The following ESR1 variants were observed in gnomAD, a reference collection of about 807,000 sequenced individuals.
The protein encoded by ESR1 is estrogen receptor.
In ESR1, 12 loss-of-function variants were observed where a neutral mutation model predicts 52.7. The observed-to-expected ratio is 0.23, with a 90% CI of 0.15 to 0.37. The LOEUF (loss-of-function observed/expected upper bound fraction) is 0.37, where lower values mean the gene tolerates loss of function less well. Ranked by LOEUF, ESR1 falls within the 10% of genes least tolerant of loss-of-function variation. The pLI, the probability that ESR1 is intolerant of heterozygous loss-of-function variation, is 1.00. For synonymous variants in ESR1, 305 were observed against 316.8 expected (o/e 0.96, Z 0.39); for missense variants, 584 against 779.7 (o/e 0.75, Z 2.99).
intron 1 of ESR1, among the ~76,000 whole-genome samples, chr6:151,698,326 A>G (rs796598031): frequency 1.1e-3 from 168 of 151,482 alleles, no homozygotes; most frequent in African/African-American, 4.0e-3. Context: ...ACATAGCGCC[A>G]CTGCACACTG....
At chr6:152,062,894 T>C (rs575071013) in intron 6 of ESR1, among the ~76,000 whole-genome samples, 11 of 152,358 alleles carry the variant, frequency 7.2e-5, no homozygotes, top group Non-Finnish European at 1.3e-4. Context: ...CAGATCCATA[T>C]AGACTTTTCC....
chr6:151,829,984 A>G (rs1287994762), intron 1 of ESR1, among the ~76,000 whole-genome samples: 4 of 152,152 alleles, frequency 2.6e-5, no homozygotes, highest in Non-Finnish European at 4.4e-5. Context: ...AAAAATTTCC[A>G]TTTGCAATTC....
intron 2 of ESR1, among the ~76,000 whole-genome samples, chr6:151,874,830 A>G (rs141655301): frequency 1.3e-5 from 2 of 152,272 alleles, no homozygotes; most frequent in African/African-American, 4.8e-5. Context: ...ATGGTGGTGA[A>G]TGGGGAGATG....
intron 6 of ESR1, among the ~76,000 whole-genome samples, chr6:152,062,809 A>C (rs1429646261): frequency 6.6e-6 from 1 of 152,212 alleles, no homozygotes; most frequent in East Asian, 1.9e-4. Context: ...TACCCCAGAC[A>C]GGAAGTAAAA....
chr6:151,882,599 G>A (rs764085637), intron 3 of ESR1, among the ~76,000 whole-genome samples: 7 of 152,134 alleles, frequency 4.6e-5, no homozygotes, highest in Non-Finnish European at 1.0e-4. Context: ...CAGTGGAGTC[G>A]AGGTTTAATA....
intron 1 of ESR1, among the ~76,000 whole-genome samples, chr6:151,818,798 T>C (rs1780074436): frequency 7.0e-6 from 1 of 143,814 alleles, no homozygotes; most frequent in Non-Finnish European, 1.5e-5. Flanking sequence ...AGTGTGTATA[T>C]ACACATATAT....
At chr6:151,716,893 C>T (rs1223832761) in intron 2 of ESR1, among the ~76,000 whole-genome samples, 1 of 152,142 alleles carries the variant, frequency 6.6e-6, no homozygotes, top group African/African-American at 2.4e-5. Context: ...AACAAAAACT[C>T]CTGTAGCTAG....
chr6:151,915,459 A>G (rs1360572224), intron 3 of ESR1, among the ~76,000 whole-genome samples: 1 of 152,316 alleles, frequency 6.6e-6, no homozygotes, highest in Non-Finnish European at 1.5e-5. Context: ...GATTCTTACC[A>G]TAACTTCTGA....
In ESR1 at chr6:152,094,562, A is replaced by T. The variant is rs2152496741; in HGVS notation, c.1547A>T (p.His516Leu). The change falls in exon 7 of 8, where the codon CAC (histidine) becomes CTC (leucine). Residue 516 changes from histidine (H) to leucine (L), a missense_variant. Physicochemically the swap from His to Leu is moderately conservative, Grantham distance 99. Coordinates refer to ENST00000206249, the MANE Select transcript of ESR1 (RefSeq NM_000125.4). The surrounding 1 kb of genome is among the most constrained non-coding windows in gnomAD (Gnocchi z 4.6). ...QLLLILSHIR[H>L]MSNKGMEHLY... is the part of the protein sequence containing the mutation. The stretch of plus-strand genomic sequence containing the variant: ...CTCCTCATCCTCTCCCACATCAGGC[A>T]CATGAGGTGAGGCATCTGTGGGCTT... 1 of 1,613,950 alleles carries T rather than the reference A, an allele frequency of 6.2e-7. No individual in the cohort carries two copies. Among genetic ancestry groups the T allele is most frequent in the East Asian group, 2.2e-5 (1 of 44,868 alleles).
At chr6:151,990,050 G>C (rs186330392) in intron 4 of ESR1, among the ~76,000 whole-genome samples, 2 of 152,192 alleles carry the variant, frequency 1.3e-5, no homozygotes, top group East Asian at 3.9e-4. Context: ...TAGAGTGTTA[G>C]ATGAGTGGTT....
intron 3 of ESR1, among the ~76,000 whole-genome samples, chr6:151,935,100 A>G (rs1411983280): frequency 6.6e-6 from 1 of 152,210 alleles, no homozygotes; most frequent in Non-Finnish European, 1.5e-5. Flanking sequence ...AATAAGGAAT[A>G]CTAATAGCAC....
intron 2 of ESR1, among the ~76,000 whole-genome samples, chr6:151,873,394 C>T (rs1336943489): frequency 6.6e-6 from 1 of 152,128 alleles, no homozygotes; most frequent in Non-Finnish European, 1.5e-5. Flanking sequence ...ATGTGATGTT[C>T]AGTACCTAGA....
At chr6:152,031,658 A>G (rs2044717995) in intron 5 of ESR1, among the ~76,000 whole-genome samples, 1 of 152,144 alleles carries the variant, frequency 6.6e-6, no homozygotes, top group Non-Finnish European at 1.5e-5. Context: ...TAGCTTACCA[A>G]TCAAAAAAAA....
rs567835913 is a variant in ESR1, at chr6:152,084,978, C to T, written c.1370-9407C>T. Among the ~76,000 whole-genome samples the T allele has an allele frequency of 3.9e-5, 6 of 152,296 alleles. No individual in the cohort carries two copies. The South Asian group carries it at 6.2e-4, about 16-fold the overall frequency. On this transcript the variant is annotated intron_variant, in intron 6 of 7. Coordinates refer to ENST00000206249, the MANE Select transcript of ESR1 (RefSeq NM_000125.4). The stretch of plus-strand genomic sequence containing the variant: ...TGATAGGATGCACTGAAGCCCTTAC[C>T]GCTGACTGCATGGATGAGAGCTAGG...
intron 4 of ESR1, among the ~76,000 whole-genome samples, chr6:151,955,080 T>G (rs1427172781): frequency 6.6e-6 from 1 of 152,120 alleles, no homozygotes; most frequent in Non-Finnish European, 1.5e-5. Context: ...ATAGCCCCAA[T>G]CTCATAAAAT....
At chr6:151,943,736 T>G (rs1441723555) in intron 3 of ESR1, among the ~76,000 whole-genome samples, 1 of 152,166 alleles carries the variant, frequency 6.6e-6, no homozygotes, top group African/African-American at 2.4e-5. Context: ...GCAGAAGTAG[T>G]CTTGGATGCT....
intron 2 of ESR1, among the ~76,000 whole-genome samples, chr6:151,781,536 A>G (rs1249076547): frequency 6.6e-6 from 1 of 152,232 alleles, no homozygotes; most frequent in African/African-American, 2.4e-5. Flanking sequence ...ACTAGTTAAG[A>G]AGAGAGAACC....
intron 6 of ESR1, among the ~76,000 whole-genome samples, chr6:152,068,198 C>CTT (rs1222417009): frequency 6.6e-6 from 1 of 152,232 alleles, no homozygotes; most frequent in Non-Finnish European, 1.5e-5. Context: ...GTGCCAAAAC[C>CTT]TTTGCTCGCC....
chr6:151,837,151 A>G (rs1783481456), intron 1 of ESR1, among the ~76,000 whole-genome samples: 1 of 136,078 alleles, frequency 7.3e-6, no homozygotes, highest in African/African-American at 2.9e-5. Flanking sequence ...CCCAGGCTGG[A>G]GTGCACTGGC....
Sources: gnomAD v4.1 joint callset for allele counts (sites outside exome capture counted in the v4.1 genomes callset) on GRCh38, gnomAD v4.1.1 for gene constraint, Gnocchi (gnomAD v3.1) non-coding constraint, MANE v1.5 for transcripts, NCBI Gene and HGNC (gene_info 2026-07-23, HGNC 2026-07-21) for gene names.